Variants in TMEM191C observed in about 807,000 individuals in gnomAD.
TMEM191C encodes KB-1323B2.6.
In TMEM191C, 26 loss-of-function variants were observed where a neutral mutation model predicts 37.1. The observed-to-expected ratio is 0.70, with a 90% confidence interval of 0.51 to 0.97. The LOEUF (loss-of-function observed/expected upper bound fraction) is 0.97. Ranked by LOEUF, TMEM191C falls within the 50% of genes least tolerant of loss-of-function variation. The probability of loss-of-function intolerance (pLI) is 0.00; values close to 1 mark genes in which losing one functional copy is unlikely to be tolerated. For missense variants in TMEM191C, 240 were observed against 294.7 expected (o/e 0.81, Z 1.36); for synonymous variants, 115 against 143.7 (o/e 0.80, Z 1.43).
At position 21,469,550 on chromosome 22, in the gene TMEM191C, G is replaced by A; in HGVS notation, c.704+16G>A. On this transcript the variant is annotated intron_variant, in intron 9 of 9. Coordinates refer to ENST00000536718, the MANE Select transcript of TMEM191C (RefSeq NM_001388354.1). ...TGGCCATCAGGTGAGCCGGGCGGTGGGCGCGGCCGCGGTCCCCCAGGTGCC... is the reference window on the plus strand; with the variant it reads ...TGGCCATCAGGTGAGCCGGGCGGTGAGCGCGGCCGCGGTCCCCCAGGTGCC... 1.4e-6 allele frequency: 2 copies of A among 1,388,650 alleles called. No homozygotes were observed. Among genetic ancestry groups the A allele is most frequent in the Non-Finnish European group, 1.8e-6 (2 of 1,083,076 alleles). The allele number at this position is 1,388,650 out of a possible 1,614,324, so 86.0% of individuals were successfully genotyped here.
chr22:21,469,688 G>A lies in TMEM191C; in HGVS notation c.776G>A (p.Trp259Ter). The A allele has an allele frequency of 6.5e-7, 1 of 1,526,788 alleles. No individual in the cohort carries two copies. The highest frequency in any genetic ancestry group is 8.7e-7 in the Non-Finnish European group (1 of 1,143,226). 94.6% of individuals were successfully genotyped at this position (1,526,788 alleles called of 1,614,324 possible). Reference protein sequence around the residue: ...PLLFLGLSLLWTVLLDPGAVS... With the variant: ...PLLFLGLSLL ...CTCTTCCTGGGGCTGTCGCTGCTCTGGACGGTGCTGTTGGACCCCGGCGCC... is the reference window on the plus strand; with the variant it reads ...CTCTTCCTGGGGCTGTCGCTGCTCTAGACGGTGCTGTTGGACCCCGGCGCC... The change falls in exon 10 of 10, where the codon TGG becomes TAG. Residue 259 changes from tryptophan to a stop codon, truncating the protein, a stop_gained. Coordinates refer to ENST00000536718, the MANE Select transcript of TMEM191C (RefSeq NM_001388354.1). LOFTEE classifies it high-confidence loss of function.
intron 4 of TMEM191C, 45 bp downstream of exon 4, chr22:21,468,476 A>T (rs1256296739): frequency 6.6e-5 from 84 of 1,264,318 alleles, no homozygotes; most frequent in Non-Finnish European, 8.7e-5. Context: ...GCGGAGCAGC[A>T]GCATGAGCTG....
Position 21,468,135 on chromosome 22 carries a change from C to T in TMEM191C, c.280-17C>T, listed in dbSNP as rs1924595307. The T allele has an allele frequency of 6.7e-7, 1 of 1,498,192 alleles. No homozygotes were observed. The highest frequency in any genetic ancestry group is 8.9e-7 in the Non-Finnish European group (1 of 1,129,018). The allele number at this position is 1,498,192 out of a possible 1,614,324, so 92.8% of individuals were successfully genotyped here. Reference sequence around the variant, plus strand: ...ACCGGCGGAGAGGTCGGCACCGCCCCAGGACCCCGTCCGCAGGAGCAGCAC... The same window carrying T: ...ACCGGCGGAGAGGTCGGCACCGCCCTAGGACCCCGTCCGCAGGAGCAGCAC... On this transcript the variant is annotated splice_polypyrimidine_tract_variant and intron_variant, in intron 2 of 9. Transcript: ENST00000536718.
In TMEM191C at chr22:21,468,296, C is replaced by A; in HGVS notation, c.331-58C>A. ...TGTTGCCTCCCCGTCCCTGTCTCCC[C>A]TGACACCCGTTCCTCCAGAAGCCCG... On this transcript the variant is annotated intron_variant, in intron 3 of 9. Transcript: ENST00000536718. 4 of 1,535,194 alleles carry A rather than the reference C, an allele frequency of 2.6e-6. No individual in the cohort carries two copies. The South Asian group carries it at 4.8e-5, about 18-fold the overall frequency.
chr22:21,467,556 G>C lies in TMEM191C; in HGVS notation c.97G>C (p.Glu33Gln), dbSNP rs1443479019. The C allele has an allele frequency of 6.7e-7, 1 of 1,489,536 alleles. No homozygotes were observed. Among genetic ancestry groups the C allele is most frequent in the Non-Finnish European group, 8.9e-7 (1 of 1,127,998 alleles). 92.3% of individuals were successfully genotyped at this position (1,489,536 alleles called of 1,614,324 possible). Residue 33 changes from glutamate (E) to glutamine (Q), a missense_variant, in exon 1 of 10, where the codon GAG becomes CAG. Physicochemically the swap from Glu to Gln is conservative, Grantham distance 29. Around this residue, in one of 3 missense-constraint regions of TMEM191C, gnomAD observed 130 missense variants for 105.7 expected, o/e 1.23. Transcript: ENST00000536718. ...QELEKLMRGL[E>Q]AESESLNQRL... ...GCTAGAGAAGCTGATGCGCGGGCTC[G>C]AGGCCGAGAGCGAGAGCCTCAACCA...
At chr22:21,468,297 T>A in intron 3 of TMEM191C, 57 bp from the exon 4 acceptor site, 2 of 1,535,164 alleles carry the variant, frequency 1.3e-6, no homozygotes, top group South Asian at 2.4e-5. Flanking sequence ...CTGTCTCCCC[T>A]GACACCCGTT....
In TMEM191C at chr22:21,469,719, C is replaced by T; in HGVS notation, c.807C>T (p.Ser269=). 2.0e-6 allele frequency: 3 copies of T among 1,527,600 alleles called. No individual in the cohort carries two copies. Among genetic ancestry groups the T allele is most frequent in the Non-Finnish European group, 2.6e-6 (3 of 1,144,070 alleles). The allele number at this position is 1,527,600 out of a possible 1,614,324, so 94.6% of individuals were successfully genotyped here. A position where few individuals can be genotyped will look rare whatever the true frequency, so the allele number is the denominator to read the frequency against. The change falls in exon 10 of 10, where the codon TCC becomes TCT. Residue 269 remains serine (S), a synonymous_variant. Coordinates refer to ENST00000536718, the MANE Select transcript of TMEM191C (RefSeq NM_001388354.1). ...TGCTGTTGGACCCCGGCGCCGTCTCCGCGTGGCTCTGGAGCCTCACCTCGG... is the reference window on the plus strand; with the variant it reads ...TGCTGTTGGACCCCGGCGCCGTCTCTGCGTGGCTCTGGAGCCTCACCTCGG... ...WTVLLDPGAV[S]AWLWSLTSET...
rs1414256026 is a variant in TMEM191C, at chr22:21,469,696, C to A, written c.784C>A (p.Leu262Met). ...FLGLSLLWTVLLDPGAVSAWL... is the reference protein window; with the variant it reads ...FLGLSLLWTVMLDPGAVSAWL... ...GGGGCTGTCGCTGCTCTGGACGGTG[C>A]TGTTGGACCCCGGCGCCGTCTCCGC... is the stretch of plus-strand genomic sequence containing the variant. Residue 262 changes from leucine to methionine, a missense_variant, in exon 10 of 10, where the codon CTG (leucine) becomes ATG (methionine). This residue lies in a region of TMEM191C where 76 missense variants were observed against 100.0 expected (regional missense o/e 0.76). Transcript: ENST00000536718. The A allele has an allele frequency of 3.3e-6, 5 of 1,527,326 alleles. No homozygotes were observed. In the East Asian group the frequency reaches 9.9e-5, roughly 30 times the overall value. 94.6% of individuals were successfully genotyped at this position (1,527,326 alleles called of 1,614,324 possible).
rs1401236914 is a variant in TMEM191C at position 21,467,417 on chromosome 22, G to A, written c.-43G>A. 5 of 452,444 alleles carry A rather than the reference G, an allele frequency of 1.1e-5. No individual in the cohort carries two copies. The highest frequency in any genetic ancestry group is 1.9e-5 in the Non-Finnish European group (5 of 268,680). The allele number at this position is 452,444 out of a possible 1,614,324, so 28.0% of individuals were successfully genotyped here. A position where few individuals can be genotyped will look rare whatever the true frequency, so the allele number is the denominator to read the frequency against. ...TTGTGACGCCTGCCAGCCGCAGGCTGGGTCCCCGAGGCGGGCGGCATTTAG... is the reference window on the plus strand; with the variant it reads ...TTGTGACGCCTGCCAGCCGCAGGCTAGGTCCCCGAGGCGGGCGGCATTTAG... On this transcript the variant is annotated 5_prime_UTR_variant, in exon 1 of 10. Coordinates refer to ENST00000536718, the MANE Select transcript of TMEM191C (RefSeq NM_001388354.1).
Position 21,467,561 on chromosome 22 carries a change from C to T in TMEM191C, c.102C>T (p.Ala34=). The change falls in exon 1 of 10, where the codon GCC becomes GCT. Residue 34 remains alanine, a synonymous_variant. Coordinates refer to ENST00000536718, the MANE Select transcript of TMEM191C (RefSeq NM_001388354.1). ...AGAAGCTGATGCGCGGGCTCGAGGC[C>T]GAGAGCGAGAGCCTCAACCAGCGCC... The part of the protein sequence containing the change: ...ELEKLMRGLE[A]ESESLNQRLQ... The T allele has an allele frequency of 1.3e-6, 2 of 1,498,590 alleles. No individual in the cohort carries two copies. Among genetic ancestry groups the T allele is most frequent in the Non-Finnish European group, 1.8e-6 (2 of 1,133,812 alleles). 92.8% of individuals were successfully genotyped at this position (1,498,590 alleles called of 1,614,324 possible).
Position 21,469,545 on chromosome 22 carries a change from C to T in TMEM191C, c.704+11C>T. The T allele has an allele frequency of 1.4e-6, 2 of 1,383,934 alleles. No homozygotes were observed. The highest frequency in any genetic ancestry group is 1.9e-6 in the Non-Finnish European group (2 of 1,080,464). 85.7% of individuals were successfully genotyped at this position (1,383,934 alleles called of 1,614,324 possible). A position where few individuals can be genotyped will look rare whatever the true frequency, so the allele number is the denominator to read the frequency against. ...CGCGCTGGCCATCAGGTGAGCCGGGCGGTGGGCGCGGCCGCGGTCCCCCAG... is the reference window on the plus strand; with the variant it reads ...CGCGCTGGCCATCAGGTGAGCCGGGTGGTGGGCGCGGCCGCGGTCCCCCAG... On this transcript the variant is annotated intron_variant, in intron 9 of 9. Transcript: ENST00000536718.
chr22:21,468,228 G>A (rs1198658926), intron 3 of TMEM191C, 26 bp downstream of exon 3: 1 of 1,531,482 alleles, frequency 6.5e-7, no homozygotes. Context: ...GGGAGGGCCT[G>A]TCTCTTGGTT....
In TMEM191C at chr22:21,469,836, G is replaced by A. The variant is rs1376540215; in HGVS notation, c.*15G>A. On this transcript the variant is annotated 3_prime_UTR_variant, in exon 10 of 10. Coordinates refer to ENST00000536718, the MANE Select transcript of TMEM191C (RefSeq NM_001388354.1). ...TGCCAACCTAAGTGCAGCGCCCCGCGCCTGGCTCCAGGTGGACTCCAGGGC... is the reference window on the plus strand; with the variant it reads ...TGCCAACCTAAGTGCAGCGCCCCGCACCTGGCTCCAGGTGGACTCCAGGGC... The A allele has an allele frequency of 1.3e-6, 2 of 1,530,416 alleles. No homozygotes were observed. The highest frequency in any genetic ancestry group is 2.4e-5 in the South Asian group (2 of 83,880). 94.8% of individuals were successfully genotyped at this position (1,530,416 alleles called of 1,614,324 possible).
In TMEM191C at chr22:21,468,143, C is replaced by G. The variant is rs774944990; in HGVS notation, c.280-9C>G. On this transcript the variant is annotated splice_polypyrimidine_tract_variant and intron_variant, in intron 2 of 9. Coordinates refer to ENST00000536718, the MANE Select transcript of TMEM191C (RefSeq NM_001388354.1). ...AGAGGTCGGCACCGCCCCAGGACCC[C>G]GTCCGCAGGAGCAGCACAGCAGGCA... is the stretch of plus-strand genomic sequence containing the variant. 1.4e-5 allele frequency: 21 copies of G among 1,503,562 alleles called. No individual in the cohort carries two copies. Among genetic ancestry groups the G allele is most frequent in the South Asian group, 3.6e-5 (3 of 82,818 alleles). 93.1% of individuals were successfully genotyped at this position (1,503,562 alleles called of 1,614,324 possible). A position where few individuals can be genotyped will look rare whatever the true frequency, so the allele number is the denominator to read the frequency against.
rs1924676297 is a variant in TMEM191C, at chr22:21,469,743, G to A, written c.831G>A (p.Ser277=). The A allele has an allele frequency of 6.5e-7, 1 of 1,530,104 alleles. No homozygotes were observed. Among genetic ancestry groups the A allele is most frequent in the Non-Finnish European group, 8.7e-7 (1 of 1,145,536 alleles). 94.8% of individuals were successfully genotyped at this position (1,530,104 alleles called of 1,614,324 possible). The change falls in exon 10 of 10, where the codon TCG becomes TCA. Residue 277 remains serine, a synonymous_variant. Coordinates refer to ENST00000536718, the MANE Select transcript of TMEM191C (RefSeq NM_001388354.1). The stretch of plus-strand genomic sequence containing the variant: ...CCGCGTGGCTCTGGAGCCTCACCTC[G>A]GAGACGACGCTGCGCCGCCTGCGCT... ...AVSAWLWSLT[S]ETTLRRLRYT...
chr22:21,468,323 T>G, intron 3 of TMEM191C, 31 bp from the exon 4 acceptor site: 1 of 1,535,268 alleles, frequency 6.5e-7, no homozygotes, highest in South Asian at 1.2e-5. Flanking sequence ...AGAAGCCCGG[T>G]AAACCCCGCC....
rs2148357929 is a variant in TMEM191C, at chr22:21,469,640, A to G, written c.728A>G (p.Gln243Arg). 4.0e-6 allele frequency: 6 copies of G among 1,485,666 alleles called. No homozygotes were observed. The highest frequency in any genetic ancestry group is 5.3e-6 in the Non-Finnish European group (6 of 1,126,886). The allele number at this position is 1,485,666 out of a possible 1,614,324, so 92.0% of individuals were successfully genotyped here. Residue 243 changes from glutamine (Q) to arginine (R), a missense_variant, in exon 10 of 10, where the codon CAG becomes CGG. Around this residue, in one of 3 missense-constraint regions of TMEM191C, gnomAD observed 76 missense variants for 100.0 expected, o/e 0.76. Transcript: ENST00000536718. ...AGGCGGTGCGTGCTGGGCGCGCTGCAGGTGCTGCTGACGCTGCCGCTCCTC... is the reference window on the plus strand; with the variant it reads ...AGGCGGTGCGTGCTGGGCGCGCTGCGGGTGCTGCTGACGCTGCCGCTCCTC... ...AIRRCVLGAL[Q>R]VLLTLPLLFL... is the part of the protein sequence containing the mutation.
chr22:21,468,273 T>C, intron 3 of TMEM191C, 71 bp downstream of exon 3: 2 of 1,534,432 alleles, frequency 1.3e-6, no homozygotes, highest in South Asian at 1.2e-5. Context: ...CTCGCCCTTG[T>C]TGCCTCCCCG....
intron 2 of TMEM191C, 36 bp downstream of exon 2, chr22:21,468,053 G>C: frequency 1.1e-6 from 1 of 917,844 alleles, no homozygotes; most frequent in Non-Finnish European, 1.6e-6. Flanking sequence ...TGGACCCAGG[G>C]TGGGGTGGGG....
Sources: gnomAD v4.1 joint callset for allele counts on GRCh38, gnomAD v4.1.1 for gene constraint, gnomAD v4.1.1 regional missense constraint, MANE v1.5 for transcripts, NCBI Gene and HGNC (gene_info 2026-07-23, HGNC 2026-07-21) for gene names.